The following KLHL29 variants were observed in gnomAD, a reference collection of about 807,000 sequenced individuals.
KLHL29 encodes the protein kelch like family member 29, also known as kelch-like protein 29.
Under a neutral mutation model 80.4 loss-of-function variants are expected in KLHL29, and 21 were observed. That is an observed-to-expected ratio of 0.26 (90% CI 0.19 to 0.38). The LOEUF is 0.38. KLHL29 is among the 10% of genes least tolerant of loss of function. KLHL29 has a pLI of 1.00. For synonymous variants in KLHL29, 511 were observed against 526.8 expected, an observed-to-expected ratio of 0.97 and a Z score of 0.41; for missense variants, 867 against 1,223.9, an observed-to-expected ratio of 0.71 and a Z score of 4.35.
chr2:23,563,985 C>T (rs1667521528), intron 3 of KLHL29, among the ~76,000 whole-genome samples: 2 of 152,264 alleles, frequency 1.3e-5, no homozygotes, highest in Non-Finnish European at 2.9e-5. Context: ...CCCAGTAGGG[C>T]CAGCCGCTGG....
chr2:23,589,283 G>C (rs1394646768), intron 3 of KLHL29, among the ~76,000 whole-genome samples: 20 of 152,232 alleles, frequency 1.3e-4, no homozygotes, highest in Non-Finnish European at 2.9e-5. Context: ...TGTTTGTTTT[G>C]CAAGGAAGCT....
At chr2:23,602,392 A>C (rs1051498030) in intron 3 of KLHL29, among the ~76,000 whole-genome samples, 7 of 152,132 alleles carry the variant, frequency 4.6e-5, no homozygotes, top group Non-Finnish European at 1.0e-4. Flanking sequence ...TCCTGGAGAC[A>C]TTCTGTCCTG....
rs144326877 is a variant in KLHL29, at chr2:23,586,964, T to G, written c.285+24483T>G. Among the ~76,000 whole-genome samples the G allele has an allele frequency of 5.9e-4, 90 of 152,276 alleles. 1 individual carries two copies. Among genetic ancestry groups the G allele is most frequent in the Middle Eastern group, 3.4e-3 (1 of 294 alleles). On this transcript the variant is annotated intron_variant, in intron 3 of 13. Transcript: ENST00000486442. ...TTGGCCGGAAGGATATAAAAACCAGTCATTCAGTAGCTGATGTGCTCCGTC... is the reference window on the plus strand; with the variant it reads ...TTGGCCGGAAGGATATAAAAACCAGGCATTCAGTAGCTGATGTGCTCCGTC...
At chr2:23,415,321 C>G (rs914949714) in intron 1 of KLHL29, among the ~76,000 whole-genome samples, 5 of 152,222 alleles carry the variant, frequency 3.3e-5, no homozygotes, top group Non-Finnish European at 7.3e-5. Context: ...GGCAGGGGCT[C>G]AGGTGCTGAG....
chr2:23,449,661 C>T (rs2103420517), intron 1 of KLHL29, among the ~76,000 whole-genome samples: 1 of 152,276 alleles, frequency 6.6e-6, no homozygotes, highest in African/African-American at 2.4e-5. Flanking sequence ...GTCACACAGT[C>T]ATGCTCAAGG....
At chr2:23,536,472 GT>G (rs1344840098) in intron 2 of KLHL29, among the ~76,000 whole-genome samples, 1 of 152,190 alleles carries the variant, frequency 6.6e-6, no homozygotes, top group East Asian at 1.9e-4. Flanking sequence ...GCCGTGGAGA[GT>G]TTAAAGGAGG....
chr2:23,615,220 T>C (rs1668974455), intron 3 of KLHL29, among the ~76,000 whole-genome samples: 1 of 152,208 alleles, frequency 6.6e-6, no homozygotes, highest in African/African-American at 2.4e-5. Context: ...GCTTTGTTAT[T>C]AGCATTTTGC....
intron 3 of KLHL29, among the ~76,000 whole-genome samples, chr2:23,592,799 C>T (rs1338515559): frequency 6.6e-6 from 1 of 152,166 alleles, no homozygotes; most frequent in Non-Finnish European, 1.5e-5. Context: ...CATCTCCTGG[C>T]CCCCAAAGGG....
rs913071793 is a variant in KLHL29, at chr2:23,696,572, C to T, written c.2105+59C>T. 29 of 1,347,282 alleles carry T rather than the reference C, an allele frequency of 2.2e-5. No homozygotes were observed. In the East Asian group the frequency reaches 3.5e-4, roughly 16 times the overall value. The allele number at this position is 1,347,282 out of a possible 1,614,324, so 83.5% of individuals were successfully genotyped here. On this transcript the variant is annotated intron_variant, in intron 11 of 13. Transcript: ENST00000486442. This position sits in a 1 kb window ranked among gnomAD's most constrained non-coding sequence, Gnocchi z 5.5. ...CTTTGCTCACCAAGAACTGAAATCA[C>T]GTCACTCACTGTACCTCCCAACACC...
chr2:23,479,917 T>G (rs1361514372), intron 2 of KLHL29, among the ~76,000 whole-genome samples: 1 of 152,212 alleles, frequency 6.6e-6, no homozygotes, highest in Non-Finnish European at 1.5e-5. Flanking sequence ...TTTTATTCAG[T>G]TCAGAGATTA....
At chr2:23,414,619 A>G (rs964953570) in intron 1 of KLHL29, among the ~76,000 whole-genome samples, 4 of 152,136 alleles carry the variant, frequency 2.6e-5, no homozygotes, top group African/African-American at 9.7e-5. Flanking sequence ...CCCCAAAGGT[A>G]TGGGGACCCA....
intron 1 of KLHL29, among the ~76,000 whole-genome samples, chr2:23,405,109 A>C (rs1279742174): frequency 6.6e-6 from 1 of 152,252 alleles, no homozygotes; most frequent in Non-Finnish European, 1.5e-5. Context: ...ATAAGGAAAA[A>C]TAACTGGGAT....
At chr2:23,494,733 G>A (rs949253419) in intron 2 of KLHL29, among the ~76,000 whole-genome samples, 15 of 151,262 alleles carry the variant, frequency 9.9e-5, no homozygotes, top group East Asian at 1.9e-4. Context: ...AGACCCCCTC[G>A]GCTTCCATCT....
rs112151850 is a variant in KLHL29, at chr2:23,385,773, C to CG, written c.-160dup. 1 allele frequency: 155,512 copies of CG among 155,518 alleles called. 77,753 individuals carry two copies. The highest frequency in any genetic ancestry group is 1 in the Middle Eastern group (294 of 294). The allele number at this position is 155,518 out of a possible 1,614,324, so 9.6% of individuals were successfully genotyped here. A position where few individuals can be genotyped will look rare whatever the true frequency, so the allele number is the denominator to read the frequency against. ...GCGTCGGGCCGGGGCCGGAGCCGCG[C>CG]GCCGGAGGTAAGAGCCGGGCCGGGC... On this transcript the variant is annotated 5_prime_UTR_variant, in exon 1 of 14. Transcript: ENST00000486442.
intron 2 of KLHL29, among the ~76,000 whole-genome samples, chr2:23,561,229 G>A (rs1328487538): frequency 3.9e-5 from 6 of 152,184 alleles, no homozygotes; most frequent in Non-Finnish European, 5.9e-5. Flanking sequence ...TCTTTACAGC[G>A]TTCTTGACCG....
At chr2:23,451,998 G>T (rs1308162112) in intron 1 of KLHL29, among the ~76,000 whole-genome samples, 2 of 151,870 alleles carry the variant, frequency 1.3e-5, no homozygotes, top group Non-Finnish European at 2.9e-5. Flanking sequence ...GCAAGAGAAG[G>T]GGGAGGTGCC....
chr2:23,582,359 A>G (rs1006705316), intron 3 of KLHL29, among the ~76,000 whole-genome samples: 3 of 152,232 alleles, frequency 2.0e-5, no homozygotes, highest in African/African-American at 4.8e-5. Context: ...TTAAAGCGTC[A>G]CACTCAGATG....
intron 3 of KLHL29, among the ~76,000 whole-genome samples, chr2:23,633,263 G>C (rs1176863891): frequency 6.6e-6 from 1 of 152,194 alleles, no homozygotes; most frequent in Non-Finnish European, 1.5e-5. Context: ...CCACCACCCA[G>C]CTGGGCTGTG....
rs549655217 is a variant in KLHL29, at chr2:23,629,460, G to A, written c.286-9679G>A. ...TGGATGAAAAGTTACTTGGAAATGG[G>A]ACTAAGAAGTTTTCGGTTGAAAGTT... On this transcript the variant is annotated intron_variant, in intron 3 of 13. Coordinates refer to ENST00000486442, the MANE Select transcript of KLHL29 (RefSeq NM_052920.2). Among the ~76,000 whole-genome samples, 4 of 152,210 alleles carry A rather than the reference G, an allele frequency of 2.6e-5. No individual in the cohort carries two copies. The East Asian group carries it at 7.7e-4, about 29-fold the overall frequency.
Sources: gnomAD v4.1 joint callset for allele counts (sites outside exome capture counted in the v4.1 genomes callset) on GRCh38, gnomAD v4.1.1 for gene constraint, Gnocchi (gnomAD v3.1) non-coding constraint, MANE v1.5 for transcripts, NCBI Gene and HGNC (gene_info 2026-07-23, HGNC 2026-07-21) for gene names.